Variants in NCKAP5 observed in about 807,000 individuals in gnomAD.
NCKAP5 encodes the protein nck-associated protein 5.
Under a neutral mutation model 167.0 loss-of-function variants are expected in NCKAP5, and 92 were observed. The ratio of observed to expected loss-of-function variants is 0.55; its 90% CI spans 0.47 to 0.66. The LOEUF (loss-of-function observed/expected upper bound fraction) is 0.66. NCKAP5 is among the 30% of genes least tolerant of loss of function. NCKAP5 has a pLI of 0.00. For missense variants in NCKAP5, 2,378 were observed against 2,315.0 expected (o/e 1.03, Z -0.56); for synonymous variants, 891 against 877.4 (o/e 1.02, Z -0.27).
intron 6 of NCKAP5, among the ~76,000 whole-genome samples, chr2:133,086,576 A>G (rs1288007627): frequency 6.6e-6 from 1 of 152,162 alleles, no homozygotes; most frequent in East Asian, 1.9e-4. Flanking sequence ...TAGGAATTCA[A>G]TGCTGCAGAG....
chr2:132,970,162 C>T (rs956001699), intron 7 of NCKAP5, among the ~76,000 whole-genome samples: 31 of 152,132 alleles, frequency 2.0e-4, no homozygotes, highest in Admixed American at 1.6e-3. Context: ...CATAAAAACA[C>T]GACAGTATTT....
At chr2:133,044,460 C>T (rs1379459881) in intron 6 of NCKAP5, among the ~76,000 whole-genome samples, 2 of 151,892 alleles carry the variant, frequency 1.3e-5, no homozygotes, top group Non-Finnish European at 2.9e-5. Flanking sequence ...AAATAAAGGG[C>T]CCATAAACAT....
chr2:133,074,092 G>C, intron 6 of NCKAP5, among the ~76,000 whole-genome samples: 1 of 151,938 alleles, frequency 6.6e-6, no homozygotes, highest in Non-Finnish European at 1.5e-5. Context: ...TTTGTTCTTT[G>C]GACATACACC....
chr2:132,961,314 A>ATATAT (rs149897003), intron 8 of NCKAP5, among the ~76,000 whole-genome samples: 59,076 of 150,584 alleles, frequency 0.39, 13,581 homozygotes, highest in African/African-American at 0.61. Flanking sequence ...AATGACATCT[A>ATATAT]TATATAAGAA....
intron 11 of NCKAP5, among the ~76,000 whole-genome samples, chr2:132,841,454 T>C (rs569049807): frequency 1.4e-4 from 22 of 152,160 alleles, no homozygotes; most frequent in Non-Finnish European, 2.4e-4. Flanking sequence ...AATGTAGCTA[T>C]GAAATGTGTA....
At chr2:132,830,836 T>C (rs1687470968) in intron 11 of NCKAP5, among the ~76,000 whole-genome samples, 1 of 152,218 alleles carries the variant, frequency 6.6e-6, no homozygotes, top group African/African-American at 2.4e-5. Flanking sequence ...ACTATTCTTA[T>C]AATAAAATAT....
intron 8 of NCKAP5, among the ~76,000 whole-genome samples, chr2:132,934,753 A>C (rs924499983): frequency 2.0e-5 from 3 of 152,202 alleles, no homozygotes; most frequent in Non-Finnish European, 4.4e-5. Flanking sequence ...CATCTCTAAG[A>C]CTCATAAACA....
chr2:133,444,357 TAGATAGA>T (rs1192773270), intron 3 of NCKAP5, among the ~76,000 whole-genome samples: 3 of 21,152 alleles, frequency 1.4e-4, no homozygotes, highest in African/African-American at 3.3e-4. Context: ...AAAACAAAGA[TAGATAGA>T]TAGATAGATA....
chr2:132,935,290 C>T (rs1696754815), intron 8 of NCKAP5, among the ~76,000 whole-genome samples: 1 of 152,192 alleles, frequency 6.6e-6, no homozygotes, highest in Non-Finnish European at 1.5e-5. Flanking sequence ...AAGAAAACTA[C>T]ACAGAAAGAT....
intron 3 of NCKAP5, among the ~76,000 whole-genome samples, chr2:133,455,268 G>A (rs963019476): frequency 6.6e-6 from 1 of 152,128 alleles, no homozygotes; most frequent in East Asian, 1.9e-4. Flanking sequence ...TGAAGTTTAT[G>A]CCCATTTCAT....
the NCKAP5 span, among the ~76,000 whole-genome samples, chr2:133,653,897 T>C: frequency 4.6e-5 from 7 of 152,308 alleles, no homozygotes; most frequent in South Asian, 1.4e-3. Context: ...AGTCTAGCCA[T>C]CCACCTTCAG....
At chr2:133,308,872 G>A (rs572946329) in intron 3 of NCKAP5, among the ~76,000 whole-genome samples, 129 of 149,322 alleles carry the variant, frequency 8.6e-4, no homozygotes, top group African/African-American at 2.9e-3. Context: ...CACCGCGCCC[G>A]GCTAATTTTT....
intron 2 of NCKAP5, among the ~76,000 whole-genome samples, chr2:133,554,657 TC>T (rs1201316167): frequency 6.6e-6 from 1 of 152,172 alleles, no homozygotes; most frequent in African/African-American, 2.4e-5. Flanking sequence ...TGGAATTTGA[TC>T]CAAAATAACT....
At chr2:133,476,129 G>A (rs1679863851) in intron 3 of NCKAP5, among the ~76,000 whole-genome samples, 1 of 152,184 alleles carries the variant, frequency 6.6e-6, no homozygotes, top group African/African-American at 2.4e-5. Flanking sequence ...TAAATAGAAA[G>A]TTAAAAGTTT....
chr2:132,708,991 G>A (rs1688606254), intron 19 of NCKAP5, among the ~76,000 whole-genome samples: 1 of 151,910 alleles, frequency 6.6e-6, no homozygotes, highest in African/African-American at 2.4e-5. Context: ...GGTCAAGAAG[G>A]ACTTTTTAAA....
intron 19 of NCKAP5, among the ~76,000 whole-genome samples, chr2:132,687,360 C>T (rs1686081928): frequency 6.6e-6 from 1 of 152,100 alleles, no homozygotes; most frequent in Admixed American, 6.6e-5. Context: ...GATCTGGCAC[C>T]AGCTACCAGA....
chr2:133,640,754 G>C, the NCKAP5 span, among the ~76,000 whole-genome samples: 2 of 152,146 alleles, frequency 1.3e-5, no homozygotes, highest in East Asian at 3.8e-4. Context: ...TGAATAAATA[G>C]AATAAATGAA....
At chr2:133,658,492 G>C in the NCKAP5 span, among the ~76,000 whole-genome samples, 2 of 152,178 alleles carry the variant, frequency 1.3e-5, no homozygotes, top group Admixed American at 1.3e-4. Flanking sequence ...AGGGTGGAAA[G>C]ATTGGCCCCC....
intron 3 of NCKAP5, among the ~76,000 whole-genome samples, chr2:133,447,335 C>G (rs1187869414): frequency 2.0e-5 from 3 of 152,190 alleles, no homozygotes; most frequent in Non-Finnish European, 4.4e-5. Flanking sequence ...GTAAAATAGT[C>G]TTACGTAAAT....
Sources: gnomAD v4.1 joint callset for allele counts (sites outside exome capture counted in the v4.1 genomes callset) on GRCh38, gnomAD v4.1.1 for gene constraint, MANE v1.5 for transcripts, NCBI Gene and HGNC (gene_info 2026-07-23, HGNC 2026-07-21) for gene names.